Variants in LAMA2 observed in about 807,000 individuals in gnomAD.
LAMA2 encodes the protein laminin subunit alpha 2, also known as laminin subunit alpha-2.
A neutral mutation model predicts 364.8 loss-of-function variants in LAMA2; 269 were observed. The observed-to-expected ratio is 0.74, with a 90% CI of 0.67 to 0.82. LAMA2 has a LOEUF of 0.82. Ranked by LOEUF, LAMA2 falls within the 40% of genes least tolerant of loss-of-function variation. LAMA2 has a pLI of 0.00. For missense variants in LAMA2, 3,807 were observed against 3,873.2 expected (o/e 0.98, Z 0.45); for synonymous variants, 1,379 against 1,370.6 (o/e 1.01, Z -0.14).
intron 1 of LAMA2, among the ~76,000 whole-genome samples, chr6:128,982,770 C>A (rs1229922166): frequency 1.6e-5 from 2 of 125,126 alleles, no homozygotes; most frequent in African/African-American, 6.1e-5. Context: ...CCCCACCCCA[C>A]CCCACAACAG....
chr6:129,053,476 G>A lies in LAMA2; in HGVS notation c.283+3388G>A, dbSNP rs189892306. On this transcript the variant is annotated intron_variant, in intron 2 of 64. Coordinates refer to ENST00000421865, the MANE Select transcript of LAMA2 (RefSeq NM_000426.4). The stretch of plus-strand genomic sequence containing the variant: ...TCTTGTATAGAATGTAAGAGGAAAG[G>A]ACATATGTCAGAGCCCTTTGCTTTT... 1.2e-4 allele frequency among the ~76,000 whole-genome samples: 19 copies of A among 152,186 alleles called. No homozygotes were observed. The East Asian group carries it at 2.3e-3, about 19-fold the overall frequency.
rs115415002 is a variant in LAMA2 at position 128,935,980 on chromosome 6, C to T, written c.112+52623C>T. ...ATTGAATCATGGAGGCCAGTTTCCCCGATGCTTTTCTTGTGATAGTGAGTG... is the reference window on the plus strand; with the variant it reads ...ATTGAATCATGGAGGCCAGTTTCCCTGATGCTTTTCTTGTGATAGTGAGTG... On this transcript the variant is annotated intron_variant, in intron 1 of 64. Coordinates refer to ENST00000421865, the MANE Select transcript of LAMA2 (RefSeq NM_000426.4). Among the ~76,000 whole-genome samples the T allele has an allele frequency of 1.9e-4, 29 of 152,206 alleles. 1 individual carries two copies. Among genetic ancestry groups the T allele is most frequent in the East Asian group, 1.9e-4 (1 of 5,176 alleles).
intron 10 of LAMA2, among the ~76,000 whole-genome samples, chr6:129,181,265 A>G (rs1033643154): frequency 6.6e-6 from 1 of 152,142 alleles, no homozygotes; most frequent in Non-Finnish European, 1.5e-5. Context: ...CAAAAGGAAA[A>G]TAACTACAAA....
Position 129,020,621 on chromosome 6 carries a change from ACACGTGAAAAGGTGTC to A in LAMA2, c.113-29295_113-29280del, listed in dbSNP as rs1785393069. On this transcript the variant is annotated intron_variant, in intron 1 of 64. Transcript: ENST00000421865. ...CTCTAAGGTAGCAATCCTCAGAAGA[ACACGTGAAAAGGTGTC>A]CCAGGCGTGGTGTCCCGGGAGTTTC... 4.6e-5 allele frequency among the ~76,000 whole-genome samples: 7 copies of A among 152,304 alleles called. No homozygotes were observed. In the South Asian group the frequency reaches 1.5e-3, roughly 32 times the overall value.
At chr6:129,100,635 G>A (rs865865739) in intron 4 of LAMA2, among the ~76,000 whole-genome samples, 19 of 152,144 alleles carry the variant, frequency 1.2e-4, no homozygotes, top group African/African-American at 4.6e-4. Flanking sequence ...ATTAAAAGTT[G>A]ACTTTTAAAA....
intron 1 of LAMA2, among the ~76,000 whole-genome samples, chr6:128,919,184 A>T (rs142194507): frequency 6.6e-6 from 1 of 152,186 alleles, no homozygotes; most frequent in Non-Finnish European, 1.5e-5. Context: ...CTCTTTGAGA[A>T]TCATGAGGCA....
chr6:129,193,745 C>T (rs1432739448), intron 12 of LAMA2, among the ~76,000 whole-genome samples: 1 of 152,080 alleles, frequency 6.6e-6, no homozygotes, highest in Non-Finnish European at 1.5e-5. Context: ...CAAAATATAG[C>T]ATTATTTATG....
intron 12 of LAMA2, among the ~76,000 whole-genome samples, chr6:129,209,315 A>G (rs1288389698): frequency 6.6e-6 from 1 of 152,246 alleles, no homozygotes; most frequent in Non-Finnish European, 1.5e-5. Context: ...AACTTTACCT[A>G]GAAAATGATA....
chr6:129,308,617 T>C (rs1774022274), intron 22 of LAMA2, among the ~76,000 whole-genome samples: 1 of 152,218 alleles, frequency 6.6e-6, no homozygotes, highest in Non-Finnish European at 1.5e-5. Flanking sequence ...CGAGAAATAC[T>C]TCACCATTAT....
chr6:129,226,406 G>T (rs1481508757), intron 12 of LAMA2, among the ~76,000 whole-genome samples: 2 of 152,188 alleles, frequency 1.3e-5, no homozygotes, highest in Non-Finnish European at 2.9e-5. Context: ...CTCGTTAGTT[G>T]TTTCAGTTTC....
chr6:129,260,797 C>A lies in LAMA2; in HGVS notation c.2183C>A (p.Pro728Gln). 6.2e-7 allele frequency: 1 copy of A among 1,607,566 alleles called. No homozygotes were observed. The highest frequency in any genetic ancestry group is 8.5e-7 in the Non-Finnish European group (1 of 1,174,200). ...AAAVEVCQCP[P>Q]GYTGSSCESC... Reference sequence around the variant, plus strand: ...GCTGTAGAAGTGTGTCAGTGCCCACCAGGGTATACTGGCTCCTCTTGTGAA... The same window carrying A: ...GCTGTAGAAGTGTGTCAGTGCCCACAAGGGTATACTGGCTCCTCTTGTGAA... Residue 728 changes from proline (P) to glutamine (Q), a missense_variant, in exon 15 of 65, where the codon CCA becomes CAA. Coordinates refer to ENST00000421865, the MANE Select transcript of LAMA2 (RefSeq NM_000426.4).
intron 30 of LAMA2, among the ~76,000 whole-genome samples, chr6:129,343,158 T>G (rs892244686): frequency 1.3e-5 from 2 of 152,164 alleles, no homozygotes; most frequent in African/African-American, 4.8e-5. Context: ...ACCTGCACTT[T>G]CTGTTAAGTG....
At chr6:129,159,053 C>A in intron 8 of LAMA2, 2 of 1,582,002 alleles carry the variant, frequency 1.3e-6, no homozygotes, top group Non-Finnish European at 8.7e-7. Flanking sequence ...CAGATTCTGT[C>A]CTTGAACACG....
At chr6:129,359,902 CA>C (rs1167855718) in intron 32 of LAMA2, among the ~76,000 whole-genome samples, 1 of 152,074 alleles carries the variant, frequency 6.6e-6, no homozygotes, top group Non-Finnish European at 1.5e-5. Flanking sequence ...TAATTGCTAA[CA>C]GAAAGATCTG....
At chr6:129,288,765 T>G (rs1341925548) in intron 19 of LAMA2, among the ~76,000 whole-genome samples, 1 of 152,184 alleles carries the variant, frequency 6.6e-6, no homozygotes. Flanking sequence ...GTCAGTGGGA[T>G]TAGAATATGA....
At chr6:129,175,174 T>C (rs1780495375) in intron 9 of LAMA2, among the ~76,000 whole-genome samples, 1 of 152,236 alleles carries the variant, frequency 6.6e-6, no homozygotes, top group African/African-American at 2.4e-5. Context: ...TTGGACATCA[T>C]AGAGGATCCT....
At chr6:129,463,091 T>C (rs1003899774) in intron 49 of LAMA2, among the ~76,000 whole-genome samples, 1 of 152,060 alleles carries the variant, frequency 6.6e-6, no homozygotes, top group African/African-American at 2.4e-5. Flanking sequence ...AAAATTTAGT[T>C]AGCTGAGCAT....
Position 129,313,046 on chromosome 6 carries a change from A to G in LAMA2, c.3360A>G (p.Ser1120=). 2 of 1,614,098 alleles carry G rather than the reference A, an allele frequency of 1.2e-6. No individual in the cohort carries two copies. Among genetic ancestry groups the G allele is most frequent in the Non-Finnish European group, 1.7e-6 (2 of 1,179,932 alleles). ...GGACAGATGCCACAACCTGTGATTC[A>G]GAGACTAAAAAATGCTCCTGTAGTG... ...LPGTDATTCD[S]ETKKCSCSDQ... Residue 1120 remains serine, a synonymous_variant, in exon 23 of 65, where the codon TCA becomes TCG. Coordinates refer to ENST00000421865, the MANE Select transcript of LAMA2 (RefSeq NM_000426.4).
chr6:129,346,373 C>T (rs1245305624), intron 30 of LAMA2, among the ~76,000 whole-genome samples: 2 of 152,168 alleles, frequency 1.3e-5, no homozygotes, highest in Non-Finnish European at 2.9e-5. Context: ...ATTTTTCAAA[C>T]CCTACCTCTG....
Sources: gnomAD v4.1 joint callset for allele counts (sites outside exome capture counted in the v4.1 genomes callset) on GRCh38, gnomAD v4.1.1 for gene constraint, MANE v1.5 for transcripts, NCBI Gene and HGNC (gene_info 2026-07-23, HGNC 2026-07-21) for gene names.